The following CSNK2A2IP variants were observed in gnomAD, a reference collection of about 807,000 sequenced individuals.
CSNK2A2IP encodes casein kinase II subunit alpha'-interacting protein.
chr3:88,467,458 C>T, the CSNK2A2IP span: 7 of 398,426 alleles, frequency 1.8e-5, no homozygotes, highest in Non-Finnish European at 3.1e-5. Flanking sequence ...AAAACCAAAT[C>T]GAAGCCAATC....
the CSNK2A2IP span, among the ~76,000 whole-genome samples, chr3:88,362,353 T>G: frequency 6.6e-6 from 1 of 152,230 alleles, no homozygotes; most frequent in Non-Finnish European, 1.5e-5. Context: ...GCTGTGATTC[T>G]TGCAGACTTC....
At chr3:88,429,060 C>T in the CSNK2A2IP span, among the ~76,000 whole-genome samples, 57 of 121,598 alleles carry the variant, frequency 4.7e-4, no homozygotes, top group African/African-American at 1.7e-3. Context: ...ATTCTTTTAA[C>T]AATCTCAGTA....
At chr3:88,360,940 C>G in the CSNK2A2IP span, among the ~76,000 whole-genome samples, 1 of 151,974 alleles carries the variant, frequency 6.6e-6, no homozygotes, top group African/African-American at 2.4e-5. Context: ...TCACAATAAA[C>G]AAACAAACAA....
the CSNK2A2IP span, among the ~76,000 whole-genome samples, chr3:88,455,030 G>A: frequency 6.6e-6 from 1 of 151,768 alleles, no homozygotes; most frequent in Non-Finnish European, 1.5e-5. Context: ...AATGTCTTCT[G>A]GCCTTATCCA....
chr3:88,451,058 G>A, the CSNK2A2IP span, among the ~76,000 whole-genome samples: 1 of 151,780 alleles, frequency 6.6e-6, no homozygotes, highest in African/African-American at 2.4e-5. Context: ...CAAATGTAAG[G>A]GTGTTATATC....
At chr3:88,380,650 C>T in the CSNK2A2IP span, among the ~76,000 whole-genome samples, 3 of 151,794 alleles carry the variant, frequency 2.0e-5, no homozygotes, top group Non-Finnish European at 4.4e-5. Flanking sequence ...ATTATACTTT[C>T]GTTGACTGGA....
the CSNK2A2IP span, among the ~76,000 whole-genome samples, chr3:88,422,443 C>T: frequency 2.6e-5 from 4 of 152,214 alleles, no homozygotes; most frequent in East Asian, 7.7e-4. Context: ...GTGATTTGCT[C>T]TTTGAGCTTT....
At chr3:88,355,040 G>C in the CSNK2A2IP span, among the ~76,000 whole-genome samples, 1 of 152,116 alleles carries the variant, frequency 6.6e-6, no homozygotes, top group Non-Finnish European at 1.5e-5. Context: ...GAGAATGTGA[G>C]CAGGGCATGA....
the CSNK2A2IP span, among the ~76,000 whole-genome samples, chr3:88,349,989 T>C: frequency 6.6e-6 from 1 of 152,132 alleles, no homozygotes; most frequent in Admixed American, 6.6e-5. Flanking sequence ...CTTTTGTTTC[T>C]GGTCTTCAGG....
At chr3:88,357,075 G>T in the CSNK2A2IP span, among the ~76,000 whole-genome samples, 2 of 151,876 alleles carry the variant, frequency 1.3e-5, no homozygotes, top group Admixed American at 6.6e-5. Flanking sequence ...TCTTTATTTT[G>T]TTAATTGTTT....
chr3:88,343,586 T>G, the CSNK2A2IP span, among the ~76,000 whole-genome samples: 1 of 151,918 alleles, frequency 6.6e-6, no homozygotes, highest in African/African-American at 2.4e-5. Flanking sequence ...CAGGGCTACT[T>G]TTCAGAATTA....
the CSNK2A2IP span, among the ~76,000 whole-genome samples, chr3:88,408,649 A>G: frequency 6.6e-6 from 1 of 152,056 alleles, no homozygotes. Flanking sequence ...AGCGTGGAGC[A>G]GTATAAATTC....
the CSNK2A2IP span, among the ~76,000 whole-genome samples, chr3:88,359,897 G>T: frequency 2.0e-5 from 3 of 152,076 alleles, no homozygotes; most frequent in Admixed American, 1.3e-4. Context: ...CTATAGTGCA[G>T]GTTAAGTCTG....
chr3:88,379,070 A>T, the CSNK2A2IP span, among the ~76,000 whole-genome samples: 2 of 152,102 alleles, frequency 1.3e-5, no homozygotes, highest in South Asian at 4.1e-4. Context: ...AGACACGAAA[A>T]TCATCTTTTT....
At chr3:88,393,901 T>C in the CSNK2A2IP span, among the ~76,000 whole-genome samples, 1 of 151,410 alleles carries the variant, frequency 6.6e-6, no homozygotes, top group Non-Finnish European at 1.5e-5. Context: ...ATGAGGAGGG[T>C]TGGAGAGCTG....
chr3:88,348,158 C>A, the CSNK2A2IP span, among the ~76,000 whole-genome samples: 1 of 151,028 alleles, frequency 6.6e-6, no homozygotes, highest in African/African-American at 2.4e-5. Flanking sequence ...ACAAATTGTC[C>A]TTTGACCATG....
At chr3:88,345,131 C>T in the CSNK2A2IP span, among the ~76,000 whole-genome samples, 2 of 151,940 alleles carry the variant, frequency 1.3e-5, no homozygotes, top group African/African-American at 4.8e-5. Context: ...TTATATAAAT[C>T]TAACTGCCAC....
chr3:88,367,681 C>A, the CSNK2A2IP span, among the ~76,000 whole-genome samples: 34 of 152,038 alleles, frequency 2.2e-4, 1 homozygote, highest in Non-Finnish European at 4.1e-4. Flanking sequence ...TTCACACCAA[C>A]AAAACGCACA....
chr3:88,457,695 CAAAAT>C, the CSNK2A2IP span, among the ~76,000 whole-genome samples: 2,353 of 110,242 alleles, frequency 0.021, 51 homozygotes, highest in African/African-American at 0.054. Flanking sequence ...GACTCAGTCT[CAAAAT>C]AAAATAAAAT....
Sources: allele counts gnomAD v4.1 joint callset (sites outside exome capture counted in the v4.1 genomes callset), GRCh38; gene constraint gnomAD v4.1.1; transcripts MANE v1.5; gene names NCBI Gene and HGNC (gene_info 2026-07-23, HGNC 2026-07-21).